WASHC3: variants seen among roughly 807,000 people sequenced by gnomAD.
The protein encoded by WASHC3 is WASH complex subunit CCDC53.
A neutral mutation model predicts 26.1 loss-of-function variants in WASHC3; 24 were observed. The ratio of observed to expected loss-of-function variants is 0.92; its 90% CI spans 0.66 to 1.29. WASHC3 has a LOEUF of 1.29. Ranked by LOEUF, WASHC3 falls within the 50% of genes most tolerant of loss-of-function variation. WASHC3 has a pLI of 0.00. For synonymous variants in WASHC3, 77 were observed against 75.7 expected (o/e 1.02, Z -0.09); for missense variants, 214 against 229.6 (o/e 0.93, Z 0.44).
chr12:102,037,798 T>C (rs1434916864), intron 5 of WASHC3, among the ~76,000 whole-genome samples: 1 of 152,156 alleles, frequency 6.6e-6, no homozygotes, highest in Non-Finnish European at 1.5e-5. Flanking sequence ...TTTTGTTTTT[T>C]GTTTTTTGTT....
At chr12:102,038,535 G>A (rs1298376594) in intron 5 of WASHC3, among the ~76,000 whole-genome samples, 1 of 152,052 alleles carries the variant, frequency 6.6e-6, no homozygotes, top group African/African-American at 2.4e-5. Flanking sequence ...TTTTGTTGTT[G>A]TTGTTGTTGT....
At chr12:102,057,704 T>C (rs1878646213) in intron 2 of WASHC3, among the ~76,000 whole-genome samples, 1 of 151,286 alleles carries the variant, frequency 6.6e-6, no homozygotes, top group Admixed American at 6.6e-5. Flanking sequence ...ATTTAACCAG[T>C]GAGGTGAAAG....
chr12:102,028,249 A>G (rs1279748614), intron 5 of WASHC3, among the ~76,000 whole-genome samples: 1 of 152,196 alleles, frequency 6.6e-6, no homozygotes, highest in Non-Finnish European at 1.5e-5. Context: ...ATTAATTTTA[A>G]TAATAGAGGA....
intron 5 of WASHC3, 40 bp from the exon 6 acceptor site, chr12:102,026,078 T>A (rs1169645384): frequency 1.7e-6 from 2 of 1,172,018 alleles, no homozygotes; most frequent in East Asian, 5.1e-5. Flanking sequence ...ATTAAAAATG[T>A]CTCCTTTATA....
intron 5 of WASHC3, among the ~76,000 whole-genome samples, chr12:102,027,848 A>C (rs897988703): frequency 2.0e-5 from 3 of 152,182 alleles, no homozygotes; most frequent in East Asian, 3.8e-4. Flanking sequence ...TTGTCTTATA[A>C]ATTAGTAAAA....
chr12:102,032,455 T>G (rs751720707), intron 5 of WASHC3, among the ~76,000 whole-genome samples: 1 of 152,192 alleles, frequency 6.6e-6, no homozygotes, highest in African/African-American at 2.4e-5. Flanking sequence ...TCCAGTTAAG[T>G]TATAAAAGCA....
At chr12:102,058,001 T>G (rs763693232) in intron 2 of WASHC3, among the ~76,000 whole-genome samples, 3 of 152,078 alleles carry the variant, frequency 2.0e-5, no homozygotes, top group Admixed American at 6.5e-5. Context: ...ACTCTCTGAT[T>G]TGAAAATCTA....
chr12:102,022,841 G>C (rs1373529488), intron 6 of WASHC3, among the ~76,000 whole-genome samples: 2 of 152,052 alleles, frequency 1.3e-5, no homozygotes, highest in African/African-American at 4.8e-5. Flanking sequence ...TTTAAGGCGC[G>C]ATATACCCAT....
In WASHC3 at chr12:102,051,194, G is replaced by A. The variant is rs368763896; in HGVS notation, c.151-5075C>T. Reference sequence around the variant, plus strand: ...ACTGAAGTTGTTTAAGGTTGGGTTTGGTTCAAACCAGATCCTGTCGGGGGG... The same window carrying A: ...ACTGAAGTTGTTTAAGGTTGGGTTTAGTTCAAACCAGATCCTGTCGGGGGG... On this transcript the variant is annotated intron_variant, in intron 2 of 6. Transcript: ENST00000240079. Among the ~76,000 whole-genome samples the A allele has an allele frequency of 1.1e-4, 17 of 152,284 alleles. 1 individual carries two copies. Among genetic ancestry groups the A allele is most frequent in the Admixed American group, 2.0e-4 (3 of 15,304 alleles).
At chr12:102,034,194 A>C (rs1264545007) in intron 5 of WASHC3, among the ~76,000 whole-genome samples, 1 of 152,106 alleles carries the variant, frequency 6.6e-6, no homozygotes, top group African/African-American at 2.4e-5. Flanking sequence ...GTTATACTCA[A>C]AGAATTGAAC....
chr12:102,013,745 T>C (rs1050343977), intron 6 of WASHC3, among the ~76,000 whole-genome samples: 2 of 152,224 alleles, frequency 1.3e-5, no homozygotes, highest in African/African-American at 2.4e-5. Flanking sequence ...TTCACTTACA[T>C]GTTTTATCTT....
At chr12:102,030,295 CAAAAAA>C (rs57056667) in intron 5 of WASHC3, among the ~76,000 whole-genome samples, 1 of 89,136 alleles carries the variant, frequency 1.1e-5, no homozygotes, top group Non-Finnish European at 2.3e-5. Flanking sequence ...AACTCCATCT[CAAAAAA>C]AAAAAAAAAA....
intron 5 of WASHC3, 27 bp downstream of exon 5, chr12:102,039,841 C>T: frequency 9.0e-7 from 1 of 1,116,142 alleles, no homozygotes; most frequent in South Asian, 1.3e-5. Context: ...GGCTGCTACA[C>T]AAAGAAGACA....
intron 5 of WASHC3, among the ~76,000 whole-genome samples, chr12:102,038,293 A>C (rs1204797644): frequency 1.3e-5 from 2 of 152,224 alleles, no homozygotes; most frequent in African/African-American, 4.8e-5. Context: ...TGGTGGATTT[A>C]AAAAGAAAAA....
At chr12:102,036,975 A>T (rs1877689765) in intron 5 of WASHC3, among the ~76,000 whole-genome samples, 1 of 152,204 alleles carries the variant, frequency 6.6e-6, no homozygotes, top group South Asian at 2.1e-4. Flanking sequence ...TTTTAAATTT[A>T]AAAAATGTAA....
intron 1 of WASHC3, 57 bp from the exon 2 acceptor site, chr12:102,061,403 CTT>C: frequency 8.7e-7 from 1 of 1,151,716 alleles, no homozygotes; most frequent in Non-Finnish European, 1.3e-6. Context: ...CAGTGCAAAT[CTT>C]TTCATATTTG....
intron 5 of WASHC3, among the ~76,000 whole-genome samples, chr12:102,038,606 A>G (rs1189018584): frequency 6.6e-6 from 1 of 152,106 alleles, no homozygotes; most frequent in Admixed American, 6.5e-5. Flanking sequence ...AGCTTTAAAA[A>G]CGTGTTCATC....
chr12:102,020,657 A>AT (rs1876914372), intron 6 of WASHC3, among the ~76,000 whole-genome samples: 1 of 152,230 alleles, frequency 6.6e-6, no homozygotes, highest in Non-Finnish European at 1.5e-5. Flanking sequence ...CAGTAAAAAT[A>AT]TTGCTGAATA....
At chr12:102,020,269 C>T (rs1876896105) in intron 6 of WASHC3, among the ~76,000 whole-genome samples, 1 of 152,076 alleles carries the variant, frequency 6.6e-6, no homozygotes, top group African/African-American at 2.4e-5. Context: ...TTTATTACAC[C>T]AAGGAAGTAA....
Sources: gnomAD v4.1 joint callset for allele counts (sites outside exome capture counted in the v4.1 genomes callset) on GRCh38, gnomAD v4.1.1 for gene constraint, MANE v1.5 for transcripts, NCBI Gene and HGNC (gene_info 2026-07-23, HGNC 2026-07-21) for gene names.